The following SMG6 variants were observed in gnomAD, a reference collection of about 807,000 sequenced individuals.
The protein encoded by SMG6 is SMG6 nonsense mediated mRNA decay factor.
SMG6 carries 66 observed loss-of-function variants against 142.2 expected under a neutral mutation model. The observed-to-expected ratio is 0.46, with a 90% CI of 0.38 to 0.57. The LOEUF is 0.57. Ranked by LOEUF, SMG6 falls within the 20% of genes least tolerant of loss-of-function variation. The probability of loss-of-function intolerance (pLI) is 0.00; values close to 1 mark genes in which losing one functional copy is unlikely to be tolerated. For missense variants in SMG6, 1,793 were observed against 1,832.0 expected, an observed-to-expected ratio of 0.98 and a Z score of 0.39; for synonymous variants, 779 against 702.4, an observed-to-expected ratio of 1.11 and a Z score of -1.72.
intron 13 of SMG6, among the ~76,000 whole-genome samples, chr17:2,152,387 C>T (rs1317390513): frequency 6.6e-6 from 1 of 152,122 alleles, no homozygotes; most frequent in African/African-American, 2.4e-5. Context: ...TTTAATCAGT[C>T]AAAACTTAGT....
Position 2,064,677 on chromosome 17 carries a change from T to TG in SMG6, c.4129+395dup, listed in dbSNP as rs542908442. On this transcript the variant is annotated intron_variant, in intron 18 of 18. Transcript: ENST00000263073. ...AAGGGAAGTGTGCCCCAGGGACCCC[T>TG]GGGGGGCTGCCCTCAGAGCTGCAGA... Among the ~76,000 whole-genome samples the TG allele has an allele frequency of 1.9e-3, 284 of 152,028 alleles. 3 individuals carry two copies. The highest frequency in any genetic ancestry group is 6.6e-3 in the African/African-American group (273 of 41,464).
intron 10 of SMG6, among the ~76,000 whole-genome samples, chr17:2,217,295 AG>A (rs1229742851): frequency 1.3e-5 from 2 of 152,132 alleles, no homozygotes; most frequent in African/African-American, 2.4e-5. Flanking sequence ...CAGAGAAAAA[AG>A]AAAATTTAAA....
At chr17:2,078,625 G>T (rs1236806483) in intron 15 of SMG6, among the ~76,000 whole-genome samples, 1 of 152,054 alleles carries the variant, frequency 6.6e-6, no homozygotes, top group East Asian at 1.9e-4. Flanking sequence ...GCCAGCCTCG[G>T]CTGCCCAAAG....
In SMG6 at chr17:2,078,261, G is replaced by A. The variant is rs2068315130; in HGVS notation, c.3681+3549C>T. On this transcript the variant is annotated intron_variant, in intron 15 of 18. Coordinates refer to ENST00000263073, the MANE Select transcript of SMG6 (RefSeq NM_017575.5). ...TAGTAGTGGCAATGGAAACAGAGAG[G>A]AGAAGAGGGAATAAATGTGTGAATA... 2.6e-5 allele frequency among the ~76,000 whole-genome samples: 4 copies of A among 152,200 alleles called. No homozygotes were observed. In the South Asian group the frequency reaches 8.3e-4, roughly 32 times the overall value.
chr17:2,303,509 C>A, intron 1 of SMG6, 124 bp downstream of exon 1: 2 of 1,329,228 alleles, frequency 1.5e-6, no homozygotes, highest in Non-Finnish European at 1.9e-6. Flanking sequence ...GCGGCCCCAG[C>A]GCCTACTGCT....
intron 8 of SMG6, among the ~76,000 whole-genome samples, chr17:2,276,442 TG>T (rs2074650999): frequency 6.6e-6 from 1 of 152,156 alleles, no homozygotes; most frequent in Non-Finnish European, 1.5e-5. Context: ...TGGAGTGCAA[TG>T]GTGCGATCTT....
chr17:2,190,078 G>A (rs1388874646), intron 10 of SMG6, among the ~76,000 whole-genome samples: 1 of 152,192 alleles, frequency 6.6e-6, no homozygotes, highest in African/African-American at 2.4e-5. Context: ...ATGGAAAGCA[G>A]GAAAGGGGGA....
Position 2,065,453 on chromosome 17 carries a change from G to A in SMG6, c.4047+15C>T. 1 of 1,607,822 alleles carries A rather than the reference G, an allele frequency of 6.2e-7. No individual in the cohort carries two copies. Among genetic ancestry groups the A allele is most frequent in the Non-Finnish European group, 8.5e-7 (1 of 1,177,816 alleles). ...AGCTGGCTGTGGGCTTTCCCTTCCT[G>A]CCACAGGGTCTCACCAGCTGGCCAG... is the stretch of plus-strand genomic sequence containing the variant. On this transcript the variant is annotated intron_variant, in intron 17 of 18. Coordinates refer to ENST00000263073, the MANE Select transcript of SMG6 (RefSeq NM_017575.5).
At chr17:2,197,758 T>C (rs750074709) in intron 10 of SMG6, among the ~76,000 whole-genome samples, 10 of 151,556 alleles carry the variant, frequency 6.6e-5, no homozygotes, top group Admixed American at 2.0e-4. Flanking sequence ...ATTAGGGAAA[T>C]GGAAAATAAA....
chr17:2,152,731 C>T (rs181228589), intron 13 of SMG6, among the ~76,000 whole-genome samples: 8 of 152,306 alleles, frequency 5.3e-5, no homozygotes, highest in East Asian at 3.9e-4. Context: ...TCGTGCAATA[C>T]GGTGCAGCCA....
At chr17:2,188,300 T>C (rs1248293370) in intron 11 of SMG6, 99 bp downstream of exon 11, 9 of 938,586 alleles carry the variant, frequency 9.6e-6, no homozygotes, top group Non-Finnish European at 1.5e-5. Flanking sequence ...GAATGGAGAC[T>C]ACAGGGAGAA....
At chr17:2,109,208 T>C (rs1276375158) in intron 13 of SMG6, among the ~76,000 whole-genome samples, 1 of 152,198 alleles carries the variant, frequency 6.6e-6, no homozygotes, top group Non-Finnish European at 1.5e-5. Context: ...CAAGTCTATG[T>C]AGTATATTCT....
chr17:2,149,035 G>A (rs1297874219), intron 13 of SMG6, among the ~76,000 whole-genome samples: 3 of 152,072 alleles, frequency 2.0e-5, no homozygotes. Flanking sequence ...ACTTAATGCT[G>A]TAGAACCGTA....
chr17:2,299,129 G>A lies in SMG6; in HGVS notation c.1624C>T (p.Pro542Ser), dbSNP rs772337240. ...VGPTNGVYPGPYYPGYPTPSG... is the reference protein window; with the variant it reads ...VGPTNGVYPGSYYPGYPTPSG... ...GGAGTCGGGTAGCCTGGGTAGTAAG[G>A]CCCTGGGTACACACCATTCGTAGGG... is the stretch of plus-strand genomic sequence containing the variant. The change falls in exon 2 of 19, where the codon CCT becomes TCT. Residue 542 changes from proline to serine, a missense_variant. This residue lies in a region of SMG6 where 1,597 missense variants were observed against 1,584.6 expected (regional missense o/e 1.01). Coordinates refer to ENST00000263073, the MANE Select transcript of SMG6 (RefSeq NM_017575.5). This position sits in a 1 kb window ranked among gnomAD's most constrained non-coding sequence, Gnocchi z 4.3. 2.5e-6 allele frequency: 4 copies of A among 1,613,884 alleles called. No individual in the cohort carries two copies. Among genetic ancestry groups the A allele is most frequent in the Non-Finnish European group, 3.4e-6 (4 of 1,179,816 alleles).
chr17:2,285,141 T>C (rs944447679), intron 6 of SMG6, among the ~76,000 whole-genome samples: 8 of 152,374 alleles, frequency 5.3e-5, no homozygotes, highest in Middle Eastern at 3.4e-3. Flanking sequence ...GCTCACTTGT[T>C]TTCTCAACAC....
At chr17:2,213,655 A>G (rs2072928851) in intron 10 of SMG6, 1 of 152,266 alleles carries the variant, frequency 6.6e-6, no homozygotes, top group South Asian at 2.1e-4. Context: ...GAGAGAGCAG[A>G]GTTCTTGGAA....
chr17:2,297,161 A>T, intron 4 of SMG6, 82 bp downstream of exon 4: 1 of 919,694 alleles, frequency 1.1e-6, no homozygotes. Flanking sequence ...AACACCCAGT[A>T]CAGTGTCTAG....
At chr17:2,228,596 CAAGTG>C (rs1207709430) in intron 10 of SMG6, among the ~76,000 whole-genome samples, 1 of 152,158 alleles carries the variant, frequency 6.6e-6, no homozygotes, top group Non-Finnish European at 1.5e-5. Flanking sequence ...CTCCTGGCCT[CAAGTG>C]ATCTGCCCGC....
At chr17:2,225,264 G>GGTC in intron 10 of SMG6, among the ~76,000 whole-genome samples, 1 of 151,516 alleles carries the variant, frequency 6.6e-6, no homozygotes, top group Non-Finnish European at 1.5e-5. Flanking sequence ...GATCACTTGA[G>GGTC]GTCAGGAGTT....
Sources: gnomAD v4.1 joint callset for allele counts (sites outside exome capture counted in the v4.1 genomes callset) on GRCh38, gnomAD v4.1.1 for gene constraint, gnomAD v4.1.1 regional missense constraint, Gnocchi (gnomAD v3.1) non-coding constraint, MANE v1.5 for transcripts, NCBI Gene and HGNC (gene_info 2026-07-23, HGNC 2026-07-21) for gene names.